Variants in KRTAP7-1 observed in about 807,000 individuals in gnomAD.
The protein encoded by KRTAP7-1 is keratin associated protein 7-1.
KRTAP7-1 carries 4 observed loss-of-function variants against 5.1 expected under a neutral mutation model. The observed-to-expected ratio is 0.78, with a 90% CI of 0.38 to 1.79. The LOEUF is 1.79. KRTAP7-1 is among the 40% of genes most tolerant of loss of function. The pLI is 0.04. For synonymous variants in KRTAP7-1, 42 were observed against 41.5 expected (o/e 1.01, Z -0.05); for missense variants, 98 against 105.3 (o/e 0.93, Z 0.30).
Position 30,829,461 on chromosome 21 carries a change from A to G in KRTAP7-1, c.238T>C (p.Ser80Pro). ...GSFYRPWGSGSGFGYSTY is the reference protein window; with the variant it reads ...GSFYRPWGSGPGFGYSTY ...CAGTAGGTGCTGTAGCCAAAGCCAG[A>G]GCCAGAGCCCCATGGCCTATAGAAG... Residue 80 changes from serine (S) to proline (P), a missense_variant, in exon 1 of 1, where the codon TCT (serine) becomes CCT (proline). By Grantham distance (74) the Ser-to-Pro change is moderately conservative. Transcript: ENST00000621162. 4 of 1,551,670 alleles carry G rather than the reference A, an allele frequency of 2.6e-6. No homozygotes were observed. The highest frequency in any genetic ancestry group is 3.5e-6 in the Non-Finnish European group (4 of 1,146,972).
rs1985237981 is a variant in KRTAP7-1, at chr21:30,829,198, T to C, written c.*237A>G. ...CTTTTTCACTGTTAAAATTCAAGTA[T>C]GACCAAAAAAATGCATCTTGCTTCC... On this transcript the variant is annotated 3_prime_UTR_variant, in exon 1 of 1. Transcript: ENST00000621162. 4.0e-6 allele frequency: 2 copies of C among 504,002 alleles called. No homozygotes were observed. The highest frequency in any genetic ancestry group is 3.6e-5 in the Admixed American group (1 of 27,408). 31.2% of individuals were successfully genotyped at this position (504,002 alleles called of 1,614,324 possible). A position where few individuals can be genotyped will look rare whatever the true frequency, so the allele number is the denominator to read the frequency against.
Position 30,829,296 on chromosome 21 carries a change from CCACAGCAAGAA to C in KRTAP7-1, c.*128_*138del. 1 of 985,608 alleles carries C rather than the reference CCACAGCAAGAA, an allele frequency of 1.0e-6. No homozygotes were observed. The allele number at this position is 985,608 out of a possible 1,614,324, so 61.1% of individuals were successfully genotyped here. On this transcript the variant is annotated 3_prime_UTR_variant, in exon 1 of 1. Coordinates refer to ENST00000621162, the MANE Select transcript of KRTAP7-1 (RefSeq NM_181606.3). ...TGTCCAACAGCATCAAAGACAAAGA[CCACAGCAAGAA>C]GTCAGCAAGAAGATGGAAGATGTAT...
chr21:30,829,712 G>A lies in KRTAP7-1; in HGVS notation c.-14C>T. ...GTAACGAGTCATGGTGGCAGCAATT[G>A]AGAAGGATTTAGATGGATTGTGAAG... On this transcript the variant is annotated 5_prime_UTR_variant, in exon 1 of 1. Coordinates refer to ENST00000621162, the MANE Select transcript of KRTAP7-1 (RefSeq NM_181606.3). The A allele has an allele frequency of 6.5e-7, 1 of 1,543,088 alleles. No homozygotes were observed. The highest frequency in any genetic ancestry group is 8.8e-7 in the Non-Finnish European group (1 of 1,142,448).
rs1369786319 is a variant in KRTAP7-1 at position 30,829,369 on chromosome 21, G to C, written c.*66C>G. ...ATGGGAAGGTAGGAAGACAGTCATT[G>C]CTCTTCAGGTTGTTCTGTGCAGAGA... On this transcript the variant is annotated 3_prime_UTR_variant, in exon 1 of 1. Coordinates refer to ENST00000621162, the MANE Select transcript of KRTAP7-1 (RefSeq NM_181606.3). 4.9e-5 allele frequency: 72 copies of C among 1,469,130 alleles called. No individual in the cohort carries two copies. Among genetic ancestry groups the C allele is most frequent in the Non-Finnish European group, 6.6e-5 (72 of 1,095,528 alleles). 91.0% of individuals were successfully genotyped at this position (1,469,130 alleles called of 1,614,324 possible). A position where few individuals can be genotyped will look rare whatever the true frequency, so the allele number is the denominator to read the frequency against.
rs1471313478 is a variant in KRTAP7-1, at chr21:30,829,710, T to C, written c.-12A>G. 8.4e-6 allele frequency: 13 copies of C among 1,542,916 alleles called. No individual in the cohort carries two copies. Among genetic ancestry groups the C allele is most frequent in the South Asian group, 2.4e-5 (2 of 82,696 alleles). On this transcript the variant is annotated 5_prime_UTR_variant, in exon 1 of 1. Transcript: ENST00000621162. ...AAGTAACGAGTCATGGTGGCAGCAA[T>C]TGAGAAGGATTTAGATGGATTGTGA...
In KRTAP7-1 at chr21:30,829,610, A is replaced by G. The variant is rs1418151574; in HGVS notation, c.89T>C (p.Leu30Ser). ...AGAGCCCAGAGGCACAACACAGTTC[A>G]AGGGGGTGGCTCTGAAGGTCCCATG... The part of the protein sequence containing the change: ...NFHGTFRATP[L>S]NCVVPLGSPL... Residue 30 changes from leucine (L) to serine (S), a missense_variant, in exon 1 of 1, where the codon TTG (leucine) becomes TCG (serine). By Grantham distance (145) the Leu-to-Ser change is moderately radical (BLOSUM62 -2). Coordinates refer to ENST00000621162, the MANE Select transcript of KRTAP7-1 (RefSeq NM_181606.3). The G allele has an allele frequency of 6.4e-7, 1 of 1,551,644 alleles. No individual in the cohort carries two copies. Among genetic ancestry groups the G allele is most frequent in the Non-Finnish European group, 8.7e-7 (1 of 1,146,934 alleles).
chr21:30,829,149 A>C lies in KRTAP7-1; in HGVS notation c.*286T>G. 1 of 376,128 alleles carries C rather than the reference A, an allele frequency of 2.7e-6. No homozygotes were observed. Among genetic ancestry groups the C allele is most frequent in the Non-Finnish European group, 4.8e-6 (1 of 208,106 alleles). 23.3% of individuals were successfully genotyped at this position (376,128 alleles called of 1,614,324 possible). Reference sequence around the variant, plus strand: ...ATGTAGAAGCTAATAATACATGAGCAGAGCAACCATGGGAGGCAAACTACT... The same window carrying C: ...ATGTAGAAGCTAATAATACATGAGCCGAGCAACCATGGGAGGCAAACTACT... On this transcript the variant is annotated 3_prime_UTR_variant, in exon 1 of 1. Coordinates refer to ENST00000621162, the MANE Select transcript of KRTAP7-1 (RefSeq NM_181606.3).
At position 30,829,192 on chromosome 21, in the gene KRTAP7-1, C is replaced by T. The variant is rs1985237690; in HGVS notation, c.*243G>A. The T allele has an allele frequency of 4.1e-6, 2 of 490,308 alleles. No homozygotes were observed. Among genetic ancestry groups the T allele is most frequent in the Non-Finnish European group, 7.2e-6 (2 of 278,972 alleles). The allele number at this position is 490,308 out of a possible 1,614,324, so 30.4% of individuals were successfully genotyped here. On this transcript the variant is annotated 3_prime_UTR_variant, in exon 1 of 1. Coordinates refer to ENST00000621162, the MANE Select transcript of KRTAP7-1 (RefSeq NM_181606.3). ...AAACTACTTTTTCACTGTTAAAATT[C>T]AAGTATGACCAAAAAAATGCATCTT...
In KRTAP7-1 at chr21:30,829,337, C is replaced by T. The variant is rs1404441862; in HGVS notation, c.*98G>A. 6.0e-6 allele frequency: 8 copies of T among 1,338,118 alleles called. No homozygotes were observed. The African/African-American group carries it at 8.8e-5, about 15-fold the overall frequency. The allele number at this position is 1,338,118 out of a possible 1,614,324, so 82.9% of individuals were successfully genotyped here. ...GCAAGAAGATGGAAGATGTATCACC[C>T]AAGCACATGGGAAGGTAGGAAGACA... is the stretch of plus-strand genomic sequence containing the variant. On this transcript the variant is annotated 3_prime_UTR_variant, in exon 1 of 1. Transcript: ENST00000621162.
In KRTAP7-1 at chr21:30,829,300, A is replaced by G. The variant is rs1373011499; in HGVS notation, c.*135T>C. 5.8e-6 allele frequency: 6 copies of G among 1,027,204 alleles called. No homozygotes were observed. Among genetic ancestry groups the G allele is most frequent in the Non-Finnish European group, 8.3e-6 (6 of 721,416 alleles). 63.6% of individuals were successfully genotyped at this position (1,027,204 alleles called of 1,614,324 possible). ...CAACAGCATCAAAGACAAAGACCAC[A>G]GCAAGAAGTCAGCAAGAAGATGGAA... On this transcript the variant is annotated 3_prime_UTR_variant, in exon 1 of 1. Coordinates refer to ENST00000621162, the MANE Select transcript of KRTAP7-1 (RefSeq NM_181606.3).
At position 30,829,707 on chromosome 21, in the gene KRTAP7-1, C is replaced by T. The variant is rs1181274270; in HGVS notation, c.-9G>A. On this transcript the variant is annotated 5_prime_UTR_variant, in exon 1 of 1. Transcript: ENST00000621162. ...CAGAAGTAACGAGTCATGGTGGCAG[C>T]AATTGAGAAGGATTTAGATGGATTG... The T allele has an allele frequency of 2.6e-6, 4 of 1,544,456 alleles. No individual in the cohort carries two copies. In the Admixed American group the frequency reaches 6.0e-5, roughly 23 times the overall value.
rs1985238653 is a variant in KRTAP7-1, at chr21:30,829,220, T to C, written c.*215A>G. 6 of 536,812 alleles carry C rather than the reference T, an allele frequency of 1.1e-5. No individual in the cohort carries two copies. Among genetic ancestry groups the C allele is most frequent in the Admixed American group, 7.1e-5 (2 of 28,148 alleles). The allele number at this position is 536,812 out of a possible 1,614,324, so 33.3% of individuals were successfully genotyped here. A position where few individuals can be genotyped will look rare whatever the true frequency, so the allele number is the denominator to read the frequency against. Reference sequence around the variant, plus strand: ...GTATGACCAAAAAAATGCATCTTGCTTCCTTTGTCTGTAGATGAGTATCAG... The same window carrying C: ...GTATGACCAAAAAAATGCATCTTGCCTCCTTTGTCTGTAGATGAGTATCAG... On this transcript the variant is annotated 3_prime_UTR_variant, in exon 1 of 1. Transcript: ENST00000621162.
Position 30,829,260 on chromosome 21 carries a change from C to G in KRTAP7-1, c.*175G>C. The G allele has an allele frequency of 1.4e-6, 1 of 693,754 alleles. No individual in the cohort carries two copies. Among genetic ancestry groups the G allele is most frequent in the South Asian group, 2.0e-5 (1 of 49,728 alleles). The allele number at this position is 693,754 out of a possible 1,614,324, so 43.0% of individuals were successfully genotyped here. On this transcript the variant is annotated 3_prime_UTR_variant, in exon 1 of 1. Coordinates refer to ENST00000621162, the MANE Select transcript of KRTAP7-1 (RefSeq NM_181606.3). ...ATGAGTATCAGTTCAGCACCTGAGTCCTGGGTGACTTGTCCAACAGCATCA... is the reference window on the plus strand; with the variant it reads ...ATGAGTATCAGTTCAGCACCTGAGTGCTGGGTGACTTGTCCAACAGCATCA...
chr21:30,829,650 A>G lies in KRTAP7-1; in HGVS notation c.49T>C (p.Tyr17His). 1 of 1,551,318 alleles carries G rather than the reference A, an allele frequency of 6.4e-7. No individual in the cohort carries two copies. The highest frequency in any genetic ancestry group is 8.7e-7 in the Non-Finnish European group (1 of 1,146,686). Residue 17 changes from tyrosine (Y) to histidine (H), a missense_variant, in exon 1 of 1, where the codon TAT becomes CAT. By Grantham distance (83) the Tyr-to-His change is moderately conservative. Transcript: ENST00000621162. ...CGSYFPGYPI[Y>H]GTNFHGTFRA... is the part of the protein sequence containing the mutation. ...AAGGTCCCATGGAAGTTGGTCCCAT[A>G]GATAGGGTATCCTGGGAAGTAGCTT...
rs925384864 is a variant in KRTAP7-1 at position 30,829,543 on chromosome 21, C to T, written c.156G>A (p.Leu52=). 2 of 1,551,592 alleles carry T rather than the reference C, an allele frequency of 1.3e-6. No homozygotes were observed. Among genetic ancestry groups the T allele is most frequent in the Non-Finnish European group, 1.7e-6 (2 of 1,146,942 alleles). The part of the protein sequence containing the change: ...YGCGCNGYSS[L]GYSFGGSNIN... ...TGTTGCTACCACCAAAGCTGTAGCC[C>T]AGGGAGCTGTAGCCATTGCATCCAC... is the stretch of plus-strand genomic sequence containing the variant. Residue 52 remains leucine, a synonymous_variant, in exon 1 of 1, where the codon CTG becomes CTA. Transcript: ENST00000621162.
In KRTAP7-1 at chr21:30,829,759, T is replaced by C; in HGVS notation, c.-61A>G. 2.8e-6 allele frequency: 4 copies of C among 1,449,744 alleles called. No individual in the cohort carries two copies. The highest frequency in any genetic ancestry group is 2.8e-6 in the Non-Finnish European group (3 of 1,078,058). 89.8% of individuals were successfully genotyped at this position (1,449,744 alleles called of 1,614,324 possible). On this transcript the variant is annotated 5_prime_UTR_variant, in exon 1 of 1. Transcript: ENST00000621162. ...GAAGGGTAAGTTACCCAAGTGTTAA[T>C]GAAGGTCTCTTCCCGTACAGGGCTT...
In KRTAP7-1 at chr21:30,829,442, G is replaced by A; in HGVS notation, c.257C>T (p.Thr86Ile). ...WGSGSGFGYSTY is the reference protein window; with the variant it reads ...WGSGSGFGYSIY ...ACTGGAGCCATTGGTCCATCAGTAGGTGCTGTAGCCAAAGCCAGAGCCAGA... is the reference window on the plus strand; with the variant it reads ...ACTGGAGCCATTGGTCCATCAGTAGATGCTGTAGCCAAAGCCAGAGCCAGA... The change falls in exon 1 of 1, where the codon ACC (threonine) becomes ATC (isoleucine). Residue 86 changes from threonine (T) to isoleucine (I), a missense_variant. Coordinates refer to ENST00000621162, the MANE Select transcript of KRTAP7-1 (RefSeq NM_181606.3). The A allele has an allele frequency of 6.4e-7, 1 of 1,551,450 alleles. No homozygotes were observed. The highest frequency in any genetic ancestry group is 8.7e-7 in the Non-Finnish European group (1 of 1,146,870).
Position 30,829,517 on chromosome 21 carries a change from A to G in KRTAP7-1, c.182T>C (p.Ile61Thr). Residue 61 changes from isoleucine (I) to threonine (T), a missense_variant, in exon 1 of 1, where the codon ATC becomes ACC. Ile to Thr is a moderately conservative substitution (Grantham distance 89, BLOSUM62 -1). Coordinates refer to ENST00000621162, the MANE Select transcript of KRTAP7-1 (RefSeq NM_181606.3). Reference protein sequence around the residue: ...SLGYSFGGSNINNLGGCYGGS... With the variant: ...SLGYSFGGSNTNNLGGCYGGS... ...ACCATAGCAGCCGCCCAGGTTGTTG[A>G]TGTTGCTACCACCAAAGCTGTAGCC... 1.3e-6 allele frequency: 2 copies of G among 1,551,178 alleles called. No individual in the cohort carries two copies. The highest frequency in any genetic ancestry group is 1.7e-6 in the Non-Finnish European group (2 of 1,146,842).
rs1394157554 is a variant in KRTAP7-1 at position 30,829,732 on chromosome 21, G to T, written c.-34C>A. On this transcript the variant is annotated 5_prime_UTR_variant, in exon 1 of 1. Transcript: ENST00000621162. ...CAATTGAGAAGGATTTAGATGGATT[G>T]TGAAGGGTAAGTTACCCAAGTGTTA... 6.6e-7 allele frequency: 1 copy of T among 1,520,502 alleles called. No individual in the cohort carries two copies. Among genetic ancestry groups the T allele is most frequent in the Non-Finnish European group, 8.8e-7 (1 of 1,130,334 alleles). The allele number at this position is 1,520,502 out of a possible 1,614,324, so 94.2% of individuals were successfully genotyped here.
Sources: allele counts gnomAD v4.1 joint callset, GRCh38; gene constraint gnomAD v4.1.1; transcripts MANE v1.5; gene names NCBI Gene and HGNC (gene_info 2026-07-23, HGNC 2026-07-21).